Variants in HIVEP3 observed in about 807,000 individuals in gnomAD.
The protein encoded by HIVEP3 is HIVEP zinc finger 3.
HIVEP3 carries 49 observed loss-of-function variants against 152.8 expected under a neutral mutation model. The ratio of observed to expected loss-of-function variants is 0.32; its 90% CI spans 0.26 to 0.41. The LOEUF (loss-of-function observed/expected upper bound fraction) is 0.41. HIVEP3 is among the 10% of genes least tolerant of loss of function. The pLI is 1.00. For synonymous variants in HIVEP3, 1,269 were observed against 1,289.0 expected (o/e 0.98, Z 0.33); for missense variants, 2,790 against 3,103.3 (o/e 0.90, Z 2.40).
chr1:41,892,393 G>A (rs1460116876), intron 1 of HIVEP3, among the ~76,000 whole-genome samples: 2 of 152,156 alleles, frequency 1.3e-5, no homozygotes, highest in African/African-American at 2.4e-5. Flanking sequence ...TAGCAGCTGG[G>A]TGCCAAGAAC....
In HIVEP3 at chr1:41,581,032, T is replaced by A; in HGVS notation, c.3766A>T (p.Ser1256Cys). 6.4e-7 allele frequency: 1 copy of A among 1,559,488 alleles called. No homozygotes were observed. Among genetic ancestry groups the A allele is most frequent in the Non-Finnish European group, 8.7e-7 (1 of 1,152,578 alleles). ...CTGGTTTTGATCTGGGGCAGATGGC[T>A]TTCCACATCACCAGGGAGCTGAAGT... ...FALQLPGDVE[S>C]HLPQIKTSLA... The change falls in exon 4 of 9, where the codon AGC becomes TGC. Residue 1256 changes from serine to cysteine, a missense_variant. Around this residue, in one of 9 missense-constraint regions of HIVEP3, gnomAD observed 1,078 missense variants for 1,165.3 expected, o/e 0.93. Coordinates refer to ENST00000372583, the MANE Select transcript of HIVEP3 (RefSeq NM_024503.5). The surrounding 1 kb of genome is among the most constrained non-coding windows in gnomAD (Gnocchi z 4.5).
At chr1:41,660,899 C>T (rs1645701524) in intron 2 of HIVEP3, among the ~76,000 whole-genome samples, 1 of 152,216 alleles carries the variant, frequency 6.6e-6, no homozygotes, top group Non-Finnish European at 1.5e-5. Context: ...TAACAATCCA[C>T]TGAACACACT....
At chr1:41,952,813 C>A (rs1645116304) in intron 1 of HIVEP3, among the ~76,000 whole-genome samples, 1 of 152,132 alleles carries the variant, frequency 6.6e-6, no homozygotes, top group African/African-American at 2.4e-5. Flanking sequence ...ACCCAAAGAT[C>A]GTGTGATATA....
At chr1:41,639,469 G>A (rs1209553830) in intron 2 of HIVEP3, among the ~76,000 whole-genome samples, 2 of 152,212 alleles carry the variant, frequency 1.3e-5, no homozygotes, top group Non-Finnish European at 2.9e-5. Context: ...TTTGCCACGT[G>A]GATCAGATGC....
intron 1 of HIVEP3, among the ~76,000 whole-genome samples, chr1:41,910,502 T>C (rs1171984897): frequency 6.6e-6 from 1 of 151,890 alleles, no homozygotes; most frequent in African/African-American, 2.4e-5. Flanking sequence ...ATAACTTACT[T>C]TACAAATTCA....
chr1:41,796,664 G>A (rs1251650711), intron 1 of HIVEP3, among the ~76,000 whole-genome samples: 1 of 152,188 alleles, frequency 6.6e-6, no homozygotes, highest in Non-Finnish European at 1.5e-5. Context: ...CCAGGCATCA[G>A]CATTTTTTAT....
At chr1:41,774,006 T>G (rs939089389) in intron 1 of HIVEP3, among the ~76,000 whole-genome samples, 3 of 152,264 alleles carry the variant, frequency 2.0e-5, no homozygotes, top group African/African-American at 7.2e-5. Context: ...CCCATTGTCA[T>G]GTGACCTGCC....
At chr1:41,655,261 T>C (rs1453685079) in intron 2 of HIVEP3, among the ~76,000 whole-genome samples, 1 of 151,968 alleles carries the variant, frequency 6.6e-6, no homozygotes, top group Non-Finnish European at 1.5e-5. Flanking sequence ...ACCATATCAG[T>C]GATACCTTCT....
At chr1:41,626,627 G>A (rs1645122115) in intron 3 of HIVEP3, among the ~76,000 whole-genome samples, 1 of 152,140 alleles carries the variant, frequency 6.6e-6, no homozygotes, top group Non-Finnish European at 1.5e-5. Flanking sequence ...AGTATCTGTT[G>A]TACACCTCAT....
At chr1:41,964,590 C>T (rs879102815) in intron 1 of HIVEP3, among the ~76,000 whole-genome samples, 1 of 152,172 alleles carries the variant, frequency 6.6e-6, no homozygotes, top group South Asian at 2.1e-4. Context: ...CCACTGGTGC[C>T]GGGGAGACTG....
chr1:41,514,309 G>A (rs1436526387), intron 7 of HIVEP3, among the ~76,000 whole-genome samples: 1 of 152,146 alleles, frequency 6.6e-6, no homozygotes, highest in Non-Finnish European at 1.5e-5. Flanking sequence ...TGAAGGCCTG[G>A]CACATATTGA....
intron 2 of HIVEP3, among the ~76,000 whole-genome samples, chr1:41,632,240 G>A (rs376384875): frequency 1.7e-4 from 26 of 152,184 alleles, no homozygotes; most frequent in African/African-American, 6.3e-4. Flanking sequence ...TAGCGCCCAA[G>A]TTGGTTGTTT....
chr1:41,627,975 A>G (rs566094391), intron 3 of HIVEP3, among the ~76,000 whole-genome samples: 8 of 151,950 alleles, frequency 5.3e-5, no homozygotes, highest in Non-Finnish European at 1.2e-4. Flanking sequence ...TCCACACCAG[A>G]GAAAACATCC....
At chr1:41,534,386 C>T (rs2149064848) in intron 5 of HIVEP3, among the ~76,000 whole-genome samples, 1 of 152,110 alleles carries the variant, frequency 6.6e-6, no homozygotes, top group East Asian at 1.9e-4. Flanking sequence ...TGCCAAAGGT[C>T]ACCTGGAGCC....
At chr1:41,959,320 A>G (rs1645156799) in intron 1 of HIVEP3, among the ~76,000 whole-genome samples, 1 of 152,236 alleles carries the variant, frequency 6.6e-6, no homozygotes, top group Non-Finnish European at 1.5e-5. Context: ...TATTCCAGGT[A>G]TAGATTTATT....
intron 1 of HIVEP3, among the ~76,000 whole-genome samples, chr1:41,905,014 C>T (rs1023853859): frequency 1.3e-5 from 2 of 152,114 alleles, no homozygotes; most frequent in African/African-American, 2.4e-5. Flanking sequence ...GTTCCTTTGC[C>T]GTGTCTCTAG....
intron 1 of HIVEP3, among the ~76,000 whole-genome samples, chr1:41,984,992 C>A (rs868304449): frequency 3.3e-5 from 5 of 151,510 alleles, no homozygotes; most frequent in Non-Finnish European, 4.4e-5. Flanking sequence ...AAAAAAAGGA[C>A]CTGCTTTAGA....
At chr1:41,571,912 A>G (rs1644256237) in intron 5 of HIVEP3, among the ~76,000 whole-genome samples, 2 of 152,182 alleles carry the variant, frequency 1.3e-5, no homozygotes, top group South Asian at 2.1e-4. Context: ...AGTGGCACCA[A>G]CTTTGGAGTT....
chr1:42,032,275 C>T (rs1374014241), intron 1 of HIVEP3, among the ~76,000 whole-genome samples: 4 of 152,186 alleles, frequency 2.6e-5, no homozygotes, highest in Admixed American at 6.5e-5. Flanking sequence ...ATTTAAGACT[C>T]GGAGTCAGAA....
Sources: gnomAD v4.1 joint callset for allele counts (sites outside exome capture counted in the v4.1 genomes callset) on GRCh38, gnomAD v4.1.1 for gene constraint, gnomAD v4.1.1 regional missense constraint, Gnocchi (gnomAD v3.1) non-coding constraint, MANE v1.5 for transcripts, NCBI Gene and HGNC (gene_info 2026-07-23, HGNC 2026-07-21) for gene names.